RALGAPA2: variants seen among roughly 807,000 people sequenced by gnomAD.
The protein encoded by RALGAPA2 is Ral GTPase activating protein catalytic subunit alpha 2.
Under a neutral mutation model 230.4 loss-of-function variants are expected in RALGAPA2, and 139 were observed. That is an observed-to-expected ratio of 0.60 (90% CI 0.53 to 0.69). The LOEUF is 0.69. Ranked by LOEUF, RALGAPA2 falls within the 30% of genes least tolerant of loss-of-function variation. RALGAPA2 has a pLI of 0.00. For synonymous variants in RALGAPA2, 847 were observed against 837.8 expected, an observed-to-expected ratio of 1.01 and a Z score of -0.19; for missense variants, 2,163 against 2,276.0, an observed-to-expected ratio of 0.95 and a Z score of 1.01.
chr20:20,571,252 T>TAAAAAAACA (rs2064623757), intron 23 of RALGAPA2, among the ~76,000 whole-genome samples: 1 of 152,166 alleles, frequency 6.6e-6, no homozygotes, highest in South Asian at 2.1e-4. Context: ...ACAATGCAAA[T>TAAAAAAACA]GCAAAGTCAG....
intron 3 of RALGAPA2, among the ~76,000 whole-genome samples, chr20:20,665,954 G>A (rs1279501959): frequency 2.0e-5 from 3 of 152,232 alleles, no homozygotes; most frequent in Non-Finnish European, 4.4e-5. Flanking sequence ...GATCCCTGCA[G>A]AGCAGTCTCA....
intron 1 of RALGAPA2, among the ~76,000 whole-genome samples, chr20:20,711,774 T>C (rs1603263442): frequency 6.6e-6 from 1 of 151,920 alleles, no homozygotes; most frequent in East Asian, 1.9e-4. Context: ...ACAAAGAAAC[T>C]GAAGCAGCCA....
intron 28 of RALGAPA2, among the ~76,000 whole-genome samples, chr20:20,525,725 G>C (rs1031832749): frequency 1.3e-5 from 2 of 152,162 alleles, no homozygotes; most frequent in African/African-American, 4.8e-5. Flanking sequence ...GTGGCCTTCA[G>C]GATATGACTG....
intron 3 of RALGAPA2, among the ~76,000 whole-genome samples, chr20:20,674,103 G>A (rs1336517055): frequency 6.6e-6 from 1 of 151,952 alleles, no homozygotes; most frequent in South Asian, 2.1e-4. Flanking sequence ...GGCTGAGGCA[G>A]GAGGATCACT....
intron 10 of RALGAPA2, 45 bp downstream of exon 10, chr20:20,629,318 G>GTAAC: frequency 8.7e-7 from 1 of 1,155,750 alleles, no homozygotes; most frequent in Non-Finnish European, 1.2e-6. Context: ...TCAAGAACTT[G>GTAAC]TAACACACAC....
chr20:20,543,343 C>G (rs989982246), intron 24 of RALGAPA2, among the ~76,000 whole-genome samples: 1 of 152,114 alleles, frequency 6.6e-6, no homozygotes, highest in Non-Finnish European at 1.5e-5. Context: ...CCAAGCCCGG[C>G]AGGAACTTAA....
At chr20:20,687,625 G>A (rs990146495) in intron 1 of RALGAPA2, among the ~76,000 whole-genome samples, 1 of 152,294 alleles carries the variant, frequency 6.6e-6, no homozygotes, top group South Asian at 2.1e-4. Flanking sequence ...CCACCCCAGC[G>A]AATACAGACC....
rs538954852 is a variant in RALGAPA2, at chr20:20,606,018, C to T, written c.1801-606G>A. On this transcript the variant is annotated intron_variant, in intron 14 of 39. Coordinates refer to ENST00000202677, the MANE Select transcript of RALGAPA2 (RefSeq NM_020343.4). ...GAGTCTTCATGCCTCTCTTAACCACCCCTCTCCTTTAATCTCCAGCCAACC... is the reference window on the plus strand; with the variant it reads ...GAGTCTTCATGCCTCTCTTAACCACTCCTCTCCTTTAATCTCCAGCCAACC... 2.0e-5 allele frequency among the ~76,000 whole-genome samples: 3 copies of T among 152,222 alleles called. No individual in the cohort carries two copies. In the South Asian group the frequency reaches 6.2e-4, roughly 32 times the overall value.
At chr20:20,432,407 G>C (rs2060520214) in intron 37 of RALGAPA2, among the ~76,000 whole-genome samples, 1 of 152,158 alleles carries the variant, frequency 6.6e-6, no homozygotes, top group South Asian at 2.1e-4. Context: ...GCTCGTGACG[G>C]TGCTAACCTT....
intron 22 of RALGAPA2, 46 bp downstream of exon 22, chr20:20,571,802 A>T: frequency 6.5e-7 from 1 of 1,532,668 alleles, no homozygotes; most frequent in East Asian, 2.3e-5. Flanking sequence ...CAATTTCAGA[A>T]AGGAAGAGGA....
At chr20:20,688,300 C>T (rs190117895) in intron 1 of RALGAPA2, among the ~76,000 whole-genome samples, 27 of 151,666 alleles carry the variant, frequency 1.8e-4, no homozygotes, top group African/African-American at 5.8e-4. Context: ...GAGCAAAACT[C>T]CATCTCAAAA....
chr20:20,504,835 A>G, intron 34 of RALGAPA2: 3 of 282,712 alleles, frequency 1.1e-5, no homozygotes, highest in Non-Finnish European at 1.6e-5. Context: ...TTTTAGGTTT[A>G]TGTTTTTTGG....
At position 20,626,896 on chromosome 20, in the gene RALGAPA2, C is replaced by A. The variant is rs991579799; in HGVS notation, c.1233+2467G>T. Among the ~76,000 whole-genome samples, 3 of 152,256 alleles carry A rather than the reference C, an allele frequency of 2.0e-5. 1 individual carries two copies. The highest frequency in any genetic ancestry group is 2.4e-5 in the African/African-American group (1 of 41,548). On this transcript the variant is annotated intron_variant, in intron 10 of 39. Transcript: ENST00000202677. ...TGACAGAGACGTACGATCCACGAGG[C>A]CTAAAATATTTACTAGTTGGCCTTT...
chr20:20,657,153 A>G (rs1385918561), intron 3 of RALGAPA2, among the ~76,000 whole-genome samples: 1 of 152,248 alleles, frequency 6.6e-6, no homozygotes, highest in Non-Finnish European at 1.5e-5. Context: ...GAGGACTAAC[A>G]CCTGTGAAAG....
chr20:20,454,858 T>A (rs1030953422), intron 37 of RALGAPA2, among the ~76,000 whole-genome samples: 3 of 152,198 alleles, frequency 2.0e-5, no homozygotes, highest in Non-Finnish European at 2.9e-5. Context: ...ATATATATAT[T>A]TTTAAAGTTT....
chr20:20,480,648 C>CA (rs2061752832), intron 36 of RALGAPA2, among the ~76,000 whole-genome samples: 1 of 152,150 alleles, frequency 6.6e-6, no homozygotes, highest in South Asian at 2.1e-4. Flanking sequence ...CCAGGATAGA[C>CA]AGGGTGAGTG....
chr20:20,560,543 A>G (rs1485601674), intron 23 of RALGAPA2, among the ~76,000 whole-genome samples: 9 of 152,230 alleles, frequency 5.9e-5, no homozygotes, highest in Non-Finnish European at 2.9e-5. Context: ...CCACAAGGAG[A>G]GCACTTTTCT....
At chr20:20,526,142 A>G (rs145100293) in intron 28 of RALGAPA2, 110 bp downstream of exon 28, 3 of 872,268 alleles carry the variant, frequency 3.4e-6, no homozygotes, top group Non-Finnish European at 5.2e-6. Flanking sequence ...ACTTGTGGCA[A>G]TTTAATAGTT....
At chr20:20,577,010 T>C (rs527342651) in intron 20 of RALGAPA2, among the ~76,000 whole-genome samples, 35 of 152,328 alleles carry the variant, frequency 2.3e-4, no homozygotes, top group African/African-American at 7.0e-4. Context: ...TATTCTGTTA[T>C]TCTTTTCCTA....
Sources: gnomAD v4.1 joint callset for allele counts (sites outside exome capture counted in the v4.1 genomes callset) on GRCh38, gnomAD v4.1.1 for gene constraint, MANE v1.5 for transcripts, NCBI Gene and HGNC (gene_info 2026-07-23, HGNC 2026-07-21) for gene names.